RPAP1: variants seen among roughly 807,000 people sequenced by gnomAD.
The protein encoded by RPAP1 is RNA polymerase II associated protein 1, also known as RNA polymerase II-associated protein 1.
Under a neutral mutation model 142.4 loss-of-function variants are expected in RPAP1, and 109 were observed. That is an observed-to-expected ratio of 0.77 (90% CI 0.66 to 0.90). RPAP1 has a LOEUF of 0.90. Ranked by LOEUF, RPAP1 falls within the 40% of genes least tolerant of loss-of-function variation. The pLI is 0.00. For missense variants in RPAP1, 1,546 were observed against 1,751.7 expected (o/e 0.88, Z 2.10); for synonymous variants, 704 against 738.9 (o/e 0.95, Z 0.77).
In RPAP1 at chr15:41,537,069, ACT is replaced by A. The variant is rs1566890168; in HGVS notation, c.55_56del (p.Gln20ValfsTer18). On this transcript the variant is annotated frameshift_variant, in exon 2 of 25. Transcript: ENST00000304330. LOFTEE classifies it high-confidence loss of function. ...ESEVDLLHFQ[S>X]QFLAAGAAPA... ...GGGCTGCACCAGCTGCGAGAAACTG[ACT>A]CTGGAAGTGCAGCAGGTCCACCTCG... 22 of 1,613,728 alleles carry A rather than the reference ACT, an allele frequency of 1.4e-5. No individual in the cohort carries two copies. Among genetic ancestry groups the A allele is most frequent in the Non-Finnish European group, 1.9e-5 (22 of 1,179,948 alleles).
intron 22 of RPAP1, among the ~76,000 whole-genome samples, chr15:41,518,862 AC>A (rs1463864964): frequency 6.6e-6 from 1 of 152,016 alleles, no homozygotes; most frequent in Non-Finnish European, 1.5e-5. Flanking sequence ...AAAAACAAAA[AC>A]CCAAAATCTT....
intron 1 of RPAP1, among the ~76,000 whole-genome samples, chr15:41,538,969 G>C (rs2051942902): frequency 6.6e-6 from 1 of 152,208 alleles, no homozygotes; most frequent in Admixed American, 6.5e-5. Context: ...CAAATCCATA[G>C]AGACAGAAAG....
intron 17 of RPAP1, 94 bp downstream of exon 17, chr15:41,523,677 A>G: frequency 8.8e-6 from 9 of 1,027,508 alleles, no homozygotes; most frequent in Non-Finnish European, 1.3e-5. Context: ...GGGAAGTAGG[A>G]GTGGAGAGAT....
chr15:41,541,750 G>A (rs1044957342), intron 1 of RPAP1, among the ~76,000 whole-genome samples: 2 of 152,188 alleles, frequency 1.3e-5, no homozygotes, highest in African/African-American at 4.8e-5. Context: ...GGGAGGCTGA[G>A]GCAGGAGAAT....
At position 41,531,124 on chromosome 15, in the gene RPAP1, C is replaced by G; in HGVS notation, c.842G>C (p.Arg281Thr). The change falls in exon 7 of 25, where the codon AGG becomes ACG. Residue 281 changes from arginine (R) to threonine (T), a missense_variant. Physicochemically the swap from Arg to Thr is moderately conservative, Grantham distance 71. Around this residue, in one of 3 missense-constraint regions of RPAP1, gnomAD observed 1,333 missense variants for 1,486.6 expected, o/e 0.90. Transcript: ENST00000304330. ...QTGETASEEQRPGGPSANVTK... is the reference protein window; with the variant it reads ...QTGETASEEQTPGGPSANVTK... ...GACATTAGCAGAGGGTCCTCCTGGC[C>G]TCTGCTCCTCAGAGGCTGTCTCTCC... 6.2e-7 allele frequency: 1 copy of G among 1,614,036 alleles called. No homozygotes were observed. Among genetic ancestry groups the G allele is most frequent in the Non-Finnish European group, 8.5e-7 (1 of 1,179,988 alleles).
intron 22 of RPAP1, 167 bp from the exon 23 acceptor site, chr15:41,518,349 G>A (rs898163480): frequency 5.4e-6 from 3 of 558,888 alleles, no homozygotes; most frequent in Admixed American, 7.5e-5. Context: ...CTACAGAGCA[G>A]ATGTTGGGGA....
At position 41,527,417 on chromosome 15, in the gene RPAP1, C is replaced by CT. The variant is rs754495255; in HGVS notation, c.1611+5dup. The CT allele has an allele frequency of 1.4e-4, 220 of 1,614,020 alleles. No individual in the cohort carries two copies. Among genetic ancestry groups the CT allele is most frequent in the Non-Finnish European group, 1.8e-4 (214 of 1,179,968 alleles). On this transcript the variant is annotated splice_donor_region_variant and intron_variant, in intron 12 of 24. Transcript: ENST00000304330. ...CCATGGGATGGGAAAGAAGCTGTCC[C>CT]TTTACCTTGATGACATCATGTCGGG...
chr15:41,534,738 G>C lies in RPAP1; in HGVS notation c.739C>G (p.Gln247Glu). ...AMAPEEILQE[Q>E]QRLLAQLDPS... Reference sequence around the variant, plus strand: ...CCAAGCTGGGCCAGCAACCGCTGCTGTTCCTGCAGGATCTCCTCAGGAGCC... The same window carrying C: ...CCAAGCTGGGCCAGCAACCGCTGCTCTTCCTGCAGGATCTCCTCAGGAGCC... The change falls in exon 6 of 25, where the codon CAG (glutamine) becomes GAG (glutamate). Residue 247 changes from glutamine to glutamate, a missense_variant. This residue lies in a region of RPAP1 where 1,333 missense variants were observed against 1,486.6 expected (regional missense o/e 0.90). Transcript: ENST00000304330. 1 of 1,614,034 alleles carries C rather than the reference G, an allele frequency of 6.2e-7. No individual in the cohort carries two copies. Among genetic ancestry groups the C allele is most frequent in the Non-Finnish European group, 8.5e-7 (1 of 1,180,012 alleles).
chr15:41,518,156 T>C lies in RPAP1; in HGVS notation c.3822A>G (p.Thr1274=). The C allele has an allele frequency of 6.3e-7, 1 of 1,580,526 alleles. No individual in the cohort carries two copies. Among genetic ancestry groups the C allele is most frequent in the Non-Finnish European group, 8.6e-7 (1 of 1,168,954 alleles). The change falls in exon 23 of 25, where the codon ACA becomes ACG. Residue 1274 remains threonine, a synonymous_variant. Coordinates refer to ENST00000304330, the MANE Select transcript of RPAP1 (RefSeq NM_015540.4). ...GGGCCAGGTTGTCTTCAGGAGGCAC[T>C]GTGTAACACTCCAGGGACACAGGCA... ...TQLPVSLECY[T]VPPEDNLALL...
Position 41,520,838 on chromosome 15 carries a change from G to C in RPAP1, c.3348C>G (p.Thr1116=). Residue 1116 remains threonine, a synonymous_variant, in exon 22 of 25, where the codon ACC becomes ACG. Transcript: ENST00000304330. Reference sequence around the variant, plus strand: ...TGTCTGTGGGAGAGAGTCCCGAGGGGGTGTCTGAAGCCCGGTGGTAGAGGC... The same window carrying C: ...TGTCTGTGGGAGAGAGTCCCGAGGGCGTGTCTGAAGCCCGGTGGTAGAGGC... The part of the protein sequence containing the change: ...LIRLYHRASD[T]PSGLSPTDTM... 6.2e-7 allele frequency: 1 copy of C among 1,613,908 alleles called. No individual in the cohort carries two copies. The highest frequency in any genetic ancestry group is 8.5e-7 in the Non-Finnish European group (1 of 1,180,032).
chr15:41,539,819 C>T lies in RPAP1; in HGVS notation c.-76-2618G>A, dbSNP rs576468787. Reference sequence around the variant, plus strand: ...TTGGGAGGCTGAGACAGGTGGCTCACGAGGTCAGGAGTTCAAACCAGCCTG... The same window carrying T: ...TTGGGAGGCTGAGACAGGTGGCTCATGAGGTCAGGAGTTCAAACCAGCCTG... On this transcript the variant is annotated intron_variant, in intron 1 of 24. Coordinates refer to ENST00000304330, the MANE Select transcript of RPAP1 (RefSeq NM_015540.4). Among the ~76,000 whole-genome samples the T allele has an allele frequency of 1.3e-4, 19 of 151,904 alleles. No homozygotes were observed. The South Asian group carries it at 4.0e-3, about 32-fold the overall frequency.
chr15:41,530,365 TGAG>T (rs953068167), intron 7 of RPAP1, among the ~76,000 whole-genome samples: 1 of 152,034 alleles, frequency 6.6e-6, no homozygotes, highest in Non-Finnish European at 1.5e-5. Flanking sequence ...GTGGGGACAA[TGAG>T]GAGGAGGCAA....
At chr15:41,539,801 G>A (rs758023389) in intron 1 of RPAP1, among the ~76,000 whole-genome samples, 1 of 151,980 alleles carries the variant, frequency 6.6e-6, no homozygotes, top group Non-Finnish European at 1.5e-5. Context: ...ACTTTGGGAG[G>A]CTGAGACAGG....
In RPAP1 at chr15:41,525,092, T is replaced by A; in HGVS notation, c.1974A>T (p.Gln658His). The change falls in exon 15 of 25, where the codon CAA becomes CAT. Residue 658 changes from glutamine (Q) to histidine (H), a missense_variant. Gln to His is a conservative substitution (Grantham distance 24). Around this residue, in one of 3 missense-constraint regions of RPAP1, gnomAD observed 1,333 missense variants for 1,486.6 expected, o/e 0.90. Coordinates refer to ENST00000304330, the MANE Select transcript of RPAP1 (RefSeq NM_015540.4). Reference sequence around the variant, plus strand: ...CTTCCTCTGGGGGCAAGGCCAGTTCTTGGGGAGCCTCAGCTATGATGCGGC... The same window carrying A: ...CTTCCTCTGGGGGCAAGGCCAGTTCATGGGGAGCCTCAGCTATGATGCGGC... ...RLCRIIAEAP[Q>H]ELALPPEEAE... 4 of 1,613,960 alleles carry A rather than the reference T, an allele frequency of 2.5e-6. No homozygotes were observed. Among genetic ancestry groups the A allele is most frequent in the Non-Finnish European group, 3.4e-6 (4 of 1,179,948 alleles).
chr15:41,520,069 G>T (rs1023677212), intron 22 of RPAP1: 1 of 313,106 alleles, frequency 3.2e-6, no homozygotes, highest in Non-Finnish European at 6.2e-6. Context: ...GAGTAGCTGG[G>T]ACTACAGGCA....
chr15:41,531,628 T>TATATATATATA (rs1221224553), intron 6 of RPAP1, among the ~76,000 whole-genome samples: 2 of 20,520 alleles, frequency 9.7e-5, no homozygotes, highest in African/African-American at 3.5e-4. Flanking sequence ...TATATATATA[T>TATATATATATA]TTTTTTTTTT....
chr15:41,524,729 A>C (rs2051771346), intron 15 of RPAP1, among the ~76,000 whole-genome samples: 1 of 152,114 alleles, frequency 6.6e-6, no homozygotes, highest in African/African-American at 2.4e-5. Flanking sequence ...CTACCTTGGC[A>C]TCCCAAAGTG....
chr15:41,522,037 C>G (rs1303645373), intron 20 of RPAP1, 61 bp downstream of exon 20: 3 of 1,593,222 alleles, frequency 1.9e-6, no homozygotes, highest in Non-Finnish European at 2.6e-6. Flanking sequence ...AGGCTGGGTT[C>G]CACAGAAACA....
At position 41,528,296 on chromosome 15, in the gene RPAP1, C is replaced by T. The variant is rs893169562; in HGVS notation, c.1199G>A (p.Arg400His). 38 of 1,605,516 alleles carry T rather than the reference C, an allele frequency of 2.4e-5. No homozygotes were observed. The highest frequency in any genetic ancestry group is 4.5e-5 in the East Asian group (2 of 44,730). Residue 400 changes from arginine (R) to histidine (H), a missense_variant, in exon 10 of 25, where the codon CGC becomes CAC. By Grantham distance (29) the Arg-to-His change is conservative. This residue lies in a region of RPAP1 where 1,333 missense variants were observed against 1,486.6 expected (regional missense o/e 0.90). Coordinates refer to ENST00000304330, the MANE Select transcript of RPAP1 (RefSeq NM_015540.4). The part of the protein sequence containing the change: ...YSLQELFHLT[R>H]SQVSQQRALA... ...TGCTCTCTGCTGGGAAACCTGGCTG[C>T]GGGTCAGGTGGAACAGCTCCTGTAG... is the stretch of plus-strand genomic sequence containing the variant.
Sources: allele counts gnomAD v4.1 joint callset (sites outside exome capture counted in the v4.1 genomes callset), GRCh38; gene constraint gnomAD v4.1.1; regional missense constraint gnomAD v4.1.1; transcripts MANE v1.5; gene names NCBI Gene and HGNC (gene_info 2026-07-23, HGNC 2026-07-21).